Variants in NUGGC observed in about 807,000 individuals in gnomAD.
The protein encoded by NUGGC is nuclear GTPase, germinal center associated, also known as nuclear GTPase SLIP-GC.
In NUGGC, 58 loss-of-function variants were observed where a neutral mutation model predicts 92.6. That is an observed-to-expected ratio of 0.63 (90% CI 0.51 to 0.78). The LOEUF is 0.78. Ranked by LOEUF, NUGGC falls within the 30% of genes least tolerant of loss-of-function variation. NUGGC has a pLI of 0.00. For synonymous variants in NUGGC, 376 were observed against 366.4 expected, an observed-to-expected ratio of 1.03 and a Z score of -0.30; for missense variants, 925 against 964.6, an observed-to-expected ratio of 0.96 and a Z score of 0.54.
chr8:28,037,522 C>A (rs538004699), intron 13 of NUGGC, among the ~76,000 whole-genome samples: 3 of 152,316 alleles, frequency 2.0e-5, no homozygotes, highest in African/African-American at 7.2e-5. Context: ...CCTGCGATTT[C>A]TTTTCCAATA....
chr8:28,047,237 T>G (rs1809862734), intron 11 of NUGGC, among the ~76,000 whole-genome samples: 1 of 152,204 alleles, frequency 6.6e-6, no homozygotes. Context: ...CCCAAAGTGC[T>G]GGAATTACAG....
intron 10 of NUGGC, among the ~76,000 whole-genome samples, chr8:28,049,212 A>G (rs1414816179): frequency 6.6e-6 from 1 of 152,164 alleles, no homozygotes; most frequent in East Asian, 1.9e-4. Flanking sequence ...TGGAATACGG[A>G]TATCTGTGCA....
intron 1 of NUGGC, among the ~76,000 whole-genome samples, chr8:28,082,815 A>C (rs2130304374): frequency 6.6e-6 from 1 of 152,232 alleles, no homozygotes; most frequent in East Asian, 1.9e-4. Context: ...CTGAGGCAGG[A>C]GGATTACTTG....
In NUGGC at chr8:28,027,058, C is replaced by A. The variant is rs1809282160; in HGVS notation, c.2155-6G>T. ...ACCTTCTCCACGATTCCAGTCTATG[C>A]AACAAGGACATTCAGTCTGTTAGGA... On this transcript the variant is annotated splice_region_variant and splice_polypyrimidine_tract_variant and intron_variant, in intron 17 of 18. Transcript: ENST00000413272. The A allele has an allele frequency of 6.2e-7, 1 of 1,605,526 alleles. No homozygotes were observed. The highest frequency in any genetic ancestry group is 8.5e-7 in the Non-Finnish European group (1 of 1,172,214).
intron 1 of NUGGC, among the ~76,000 whole-genome samples, chr8:28,077,833 A>G (rs1020865849): frequency 2.6e-5 from 4 of 152,234 alleles, no homozygotes; most frequent in Non-Finnish European, 5.9e-5. Context: ...GACCAAGTTG[A>G]TAAGAGTCGT....
chr8:28,029,679 G>A (rs2130074489), intron 16 of NUGGC, among the ~76,000 whole-genome samples: 1 of 152,216 alleles, frequency 6.6e-6, no homozygotes, highest in Middle Eastern at 3.4e-3. Flanking sequence ...AACCCAGGAG[G>A]CGGAGGTTGG....
At chr8:28,047,356 G>A in intron 11 of NUGGC, 151 bp downstream of exon 11, 1 of 583,192 alleles carries the variant, frequency 1.7e-6, no homozygotes. Context: ...ATGCAGAGAG[G>A]AAAATATCCT....
At chr8:28,080,842 AG>A (rs1247588447) in intron 1 of NUGGC, among the ~76,000 whole-genome samples, 1 of 152,232 alleles carries the variant, frequency 6.6e-6, no homozygotes, top group African/African-American at 2.4e-5. Flanking sequence ...CTGCAAACAA[AG>A]GGCTTCCATA....
At chr8:28,059,339 G>A (rs960858470) in intron 8 of NUGGC, among the ~76,000 whole-genome samples, 1 of 152,104 alleles carries the variant, frequency 6.6e-6, no homozygotes, top group African/African-American at 2.4e-5. Context: ...TCTCAAAATT[G>A]TCCCAATATA....
At chr8:28,057,246 G>A (rs1303135980) in intron 9 of NUGGC, among the ~76,000 whole-genome samples, 1 of 151,422 alleles carries the variant, frequency 6.6e-6, no homozygotes. Flanking sequence ...GATTCATCTT[G>A]TAAACAGATG....
At chr8:28,069,817 A>C (rs1810541307) in intron 3 of NUGGC, 165 bp from the exon 4 acceptor site, 1 of 603,606 alleles carries the variant, frequency 1.7e-6, no homozygotes, top group Non-Finnish European at 2.9e-6. Flanking sequence ...ATGGCGGCTC[A>C]CTGGAGATAG....
At chr8:28,070,549 G>A (rs1585600020) in intron 2 of NUGGC, among the ~76,000 whole-genome samples, 193 bp from the exon 3 acceptor site, 1 of 151,444 alleles carries the variant, frequency 6.6e-6, no homozygotes, top group African/African-American at 2.4e-5. Flanking sequence ...TCAGGAGTTC[G>A]AGACATGCCT....
chr8:28,063,159 C>T (rs1406076863), intron 7 of NUGGC, among the ~76,000 whole-genome samples: 1 of 152,126 alleles, frequency 6.6e-6, no homozygotes, highest in African/African-American at 2.4e-5. Flanking sequence ...TGTCGTTCTC[C>T]CTGCAGAGGG....
At chr8:28,043,999 A>G (rs576577547) in intron 12 of NUGGC, among the ~76,000 whole-genome samples, 1 of 152,310 alleles carries the variant, frequency 6.6e-6, no homozygotes, top group East Asian at 1.9e-4. Flanking sequence ...ATTTTGCTCT[A>G]TATGCCCCTT....
At chr8:28,034,435 T>C (rs182151863) in intron 13 of NUGGC, among the ~76,000 whole-genome samples, 17 of 152,362 alleles carry the variant, frequency 1.1e-4, no homozygotes, top group Non-Finnish European at 2.1e-4. Flanking sequence ...AATGGCCACA[T>C]AGCATTGTAC....
At chr8:28,075,424 G>A (rs1043054073) in intron 1 of NUGGC, among the ~76,000 whole-genome samples, 1 of 152,192 alleles carries the variant, frequency 6.6e-6, no homozygotes, top group African/African-American at 2.4e-5. Context: ...ACCCGTGGAG[G>A]CTCAGAACAG....
chr8:28,059,064 G>A (rs1307654112), intron 8 of NUGGC, among the ~76,000 whole-genome samples: 1 of 152,092 alleles, frequency 6.6e-6, no homozygotes, highest in Non-Finnish European at 1.5e-5. Flanking sequence ...TCTCTGCTGG[G>A]GTGAGATGGG....
Position 28,064,695 on chromosome 8 carries a change from G to T in NUGGC, c.748C>A (p.Arg250Ser), listed in dbSNP as rs774319196. The change falls in exon 7 of 19, where the codon CGC (arginine) becomes AGC (serine). Residue 250 changes from arginine to serine, a missense_variant. Coordinates refer to ENST00000413272, the MANE Select transcript of NUGGC (RefSeq NM_001010906.2). Reference protein sequence around the residue: ...ELSIKLDPYIRTQRRDWDGEA... With the variant: ...ELSIKLDPYISTQRRDWDGEA... ...CCATCCCAATCTCTCCTCTGTGTGCGGATGTAGGGGTCCAGCTTGATGGAC... is the reference window on the plus strand; with the variant it reads ...CCATCCCAATCTCTCCTCTGTGTGCTGATGTAGGGGTCCAGCTTGATGGAC... The T allele has an allele frequency of 6.2e-7, 1 of 1,614,000 alleles. No individual in the cohort carries two copies. Among genetic ancestry groups the T allele is most frequent in the Middle Eastern group, 1.6e-4 (1 of 6,062 alleles).
intron 3 of NUGGC, 141 bp downstream of exon 3, chr8:28,070,111 G>A: frequency 1.4e-6 from 2 of 1,438,738 alleles, no homozygotes; most frequent in Middle Eastern, 2.2e-4. Flanking sequence ...CCGCTACAGA[G>A]ACTTTGAGCC....
Sources: gnomAD v4.1 joint callset for allele counts (sites outside exome capture counted in the v4.1 genomes callset) on GRCh38, gnomAD v4.1.1 for gene constraint, MANE v1.5 for transcripts, NCBI Gene and HGNC (gene_info 2026-07-23, HGNC 2026-07-21) for gene names.